The following DNAH6 variants were observed in gnomAD, a reference collection of about 807,000 sequenced individuals.
The protein encoded by DNAH6 is dynein axonemal heavy chain 6, also known as axonemal beta dynein heavy chain 6.
In DNAH6, 340 loss-of-function variants were observed where a neutral mutation model predicts 491.4. The observed-to-expected ratio is 0.69, with a 90% CI of 0.63 to 0.76. The LOEUF (loss-of-function observed/expected upper bound fraction) is 0.76, where lower values mean the gene tolerates loss of function less well. DNAH6 is among the 30% of genes least tolerant of loss of function. DNAH6 has a pLI of 0.00. For synonymous variants in DNAH6, 1,603 were observed against 1,686.1 expected, an observed-to-expected ratio of 0.95 and a Z score of 1.21; for missense variants, 4,443 against 4,972.2, an observed-to-expected ratio of 0.89 and a Z score of 3.20.
chr2:84,701,123 GT>G lies in DNAH6; in HGVS notation c.7846del (p.Ser2616GlnfsTer15). 1 of 1,551,800 alleles carries G rather than the reference GT, an allele frequency of 6.4e-7. No homozygotes were observed. Among genetic ancestry groups the G allele is most frequent in the East Asian group, 2.4e-5 (1 of 40,910 alleles). On this transcript the variant is annotated frameshift_variant, in exon 49 of 77. Transcript: ENST00000389394. LOFTEE classifies it high-confidence loss of function. ...GGCCCAGAGAAGCACTTCTTTCTGTGTCAAAGACATTTTTCTCACAAGTCGA... is the reference window on the plus strand; with the variant it reads ...GGCCCAGAGAAGCACTTCTTTCTGTGCAAAGACATTTTTCTCACAAGTCGA... ...QWPREALLSV[S>X]KTFFSQVDAG...
In DNAH6 at chr2:84,778,125, A is replaced by T. The variant is rs116690065; in HGVS notation, c.10704-3368A>T. The T allele has an allele frequency of 2.5e-3, 1,957 of 777,034 alleles. 36 individuals carry two copies. In the African/African-American group the frequency reaches 0.029, roughly 12 times the overall value. 48.1% of individuals were successfully genotyped at this position (777,034 alleles called of 1,614,324 possible). On this transcript the variant is annotated intron_variant, in intron 64 of 76. Transcript: ENST00000389394. Reference sequence around the variant, plus strand: ...CGTCAGTTGTGGCATGGCACAGGCCATGCCAACAGCACCAACCCCAACAAC... The same window carrying T: ...CGTCAGTTGTGGCATGGCACAGGCCTTGCCAACAGCACCAACCCCAACAAC...
intron 60 of DNAH6, among the ~76,000 whole-genome samples, chr2:84,726,818 T>C (rs954929809): frequency 6.6e-6 from 1 of 152,128 alleles, no homozygotes; most frequent in African/African-American, 2.4e-5. Context: ...TTGATCTTCC[T>C]TCCACTCCAC....
intron 45 of DNAH6, among the ~76,000 whole-genome samples, chr2:84,691,233 T>C (rs2104778477): frequency 6.6e-6 from 1 of 152,362 alleles, no homozygotes; most frequent in Admixed American, 6.5e-5. Flanking sequence ...TTGTTTCCAG[T>C]AGTTTCAGAT....
intron 30 of DNAH6, among the ~76,000 whole-genome samples, chr2:84,635,937 A>G (rs147193247): frequency 2.0e-5 from 3 of 152,212 alleles, no homozygotes; most frequent in African/African-American, 4.8e-5. Flanking sequence ...CTAGTGCCCA[A>G]CTAGAAACCT....
chr2:84,536,856 C>A (rs1677740261), intron 4 of DNAH6, among the ~76,000 whole-genome samples: 1 of 151,900 alleles, frequency 6.6e-6, no homozygotes. Context: ...TGCTTATGAG[C>A]TAGACATAAT....
chr2:84,491,960 T>TG, the DNAH6 span, among the ~76,000 whole-genome samples: 1 of 152,164 alleles, frequency 6.6e-6, no homozygotes. Flanking sequence ...TCTTCCCCGT[T>TG]GCGCCGGTCA....
Position 84,624,329 on chromosome 2 carries a change from C to T in DNAH6, c.4136C>T (p.Thr1379Ile), listed in dbSNP as rs2104416731. Residue 1379 changes from threonine to isoleucine, a missense_variant, in exon 27 of 77, where the codon ACT becomes ATT. By Grantham distance (89) the Thr-to-Ile change is moderately conservative (BLOSUM62 -1). Transcript: ENST00000389394. The part of the protein sequence containing the change: ...SLPKLHRNIL[T>I]ALITIDVHAR... Reference sequence around the variant, plus strand: ...CCTAAATTACACAGAAACATCCTAACTGCATTGATTACTATTGATGTGCAT... The same window carrying T: ...CCTAAATTACACAGAAACATCCTAATTGCATTGATTACTATTGATGTGCAT... 1 of 1,551,286 alleles carries T rather than the reference C, an allele frequency of 6.4e-7. No homozygotes were observed. The highest frequency in any genetic ancestry group is 1.2e-5 in the South Asian group (1 of 84,022).
At position 84,637,388 on chromosome 2, in the gene DNAH6, C is replaced by A. The variant is rs750566552; in HGVS notation, c.4821+11C>A. 7.3e-6 allele frequency: 11 copies of A among 1,506,622 alleles called. No individual in the cohort carries two copies. Among genetic ancestry groups the A allele is most frequent in the Non-Finnish European group, 8.9e-6 (10 of 1,121,782 alleles). The allele number at this position is 1,506,622 out of a possible 1,614,324, so 93.3% of individuals were successfully genotyped here. ...GCCTTGATTGCAGAGGTGAGCATCA[C>A]ATTATAAAGCAGCAGAAATGTAAAC... On this transcript the variant is annotated intron_variant, in intron 31 of 76. Coordinates refer to ENST00000389394, the MANE Select transcript of DNAH6 (RefSeq NM_001370.2).
chr2:84,635,119 C>T (rs183679488), intron 30 of DNAH6, among the ~76,000 whole-genome samples: 4 of 152,312 alleles, frequency 2.6e-5, no homozygotes, highest in East Asian at 1.9e-4. Context: ...TGGCACAGCA[C>T]GGGGGACTCT....
chr2:84,671,490 T>A (rs1692733602), intron 39 of DNAH6, among the ~76,000 whole-genome samples: 1 of 152,196 alleles, frequency 6.6e-6, no homozygotes, highest in African/African-American at 2.4e-5. Flanking sequence ...GCAGGCCCTG[T>A]CATGCCAAAC....
chr2:84,729,789 G>A (rs1014988024), intron 61 of DNAH6, among the ~76,000 whole-genome samples: 1 of 151,878 alleles, frequency 6.6e-6, no homozygotes, highest in African/African-American at 2.4e-5. Context: ...AATGTATTTG[G>A]GGTGTATTTT....
the DNAH6 span, among the ~76,000 whole-genome samples, chr2:84,508,633 T>G: frequency 6.6e-6 from 1 of 152,206 alleles, no homozygotes; most frequent in South Asian, 2.1e-4. Context: ...TGCTCTTGCT[T>G]CTCTAGTTCT....
At chr2:84,812,068 T>A (rs1680038775) in intron 72 of DNAH6, among the ~76,000 whole-genome samples, 1 of 152,090 alleles carries the variant, frequency 6.6e-6, no homozygotes, top group Admixed American at 6.6e-5. Context: ...CCCAGCCACT[T>A]CTCCAGGCTT....
chr2:84,776,677 C>A (rs559998116), intron 64 of DNAH6, among the ~76,000 whole-genome samples: 2 of 152,222 alleles, frequency 1.3e-5, no homozygotes, highest in Admixed American at 6.5e-5. Flanking sequence ...TTCTCCACCT[C>A]CTCTCCAGCA....
chr2:84,745,963 G>A (rs973083022), intron 63 of DNAH6, among the ~76,000 whole-genome samples: 1 of 152,200 alleles, frequency 6.6e-6, no homozygotes, highest in Non-Finnish European at 1.5e-5. Flanking sequence ...AATTAAGACA[G>A]AGGTAGTAGA....
the DNAH6 span, among the ~76,000 whole-genome samples, chr2:84,469,400 A>G: frequency 6.6e-6 from 1 of 152,202 alleles, no homozygotes; most frequent in African/African-American, 2.4e-5. This position sits in a 1 kb window ranked among gnomAD's most constrained non-coding sequence, Gnocchi z 4.0. Flanking sequence ...CACTCTGCTT[A>G]GCACCCATTA....
chr2:84,711,857 T>C (rs1918693), intron 56 of DNAH6, among the ~76,000 whole-genome samples: 27,561 of 152,186 alleles, frequency 0.18, 2,697 homozygotes, highest in African/African-American at 0.24. Context: ...TTGGCACAGG[T>C]ATTTTAGCTC....
intron 4 of DNAH6, among the ~76,000 whole-genome samples, chr2:84,529,391 A>G (rs1048522727): frequency 1.9e-4 from 29 of 152,094 alleles, no homozygotes; most frequent in African/African-American, 6.3e-4. Context: ...AGCTTCTCAT[A>G]TATTTATGTA....
At chr2:84,734,686 T>A (rs2104992611) in intron 62 of DNAH6, among the ~76,000 whole-genome samples, 1 of 152,312 alleles carries the variant, frequency 6.6e-6, no homozygotes, top group South Asian at 2.1e-4. Context: ...ACTGGATCTG[T>A]CAGATTCTAA....
Sources: allele counts gnomAD v4.1 joint callset (sites outside exome capture counted in the v4.1 genomes callset), GRCh38; gene constraint gnomAD v4.1.1; non-coding constraint Gnocchi (gnomAD v3.1); transcripts MANE v1.5; gene names NCBI Gene and HGNC (gene_info 2026-07-23, HGNC 2026-07-21).